CTNND2: variants seen among roughly 807,000 people sequenced by gnomAD.
CTNND2 encodes the protein catenin delta 2.
Under a neutral mutation model 144.4 loss-of-function variants are expected in CTNND2, and 22 were observed. That is an observed-to-expected ratio of 0.15 (90% CI 0.11 to 0.22). CTNND2 has a LOEUF of 0.22. Ranked by LOEUF, CTNND2 falls within the 10% of genes least tolerant of loss-of-function variation. CTNND2 has a pLI of 1.00. For synonymous variants in CTNND2, 751 were observed against 695.6 expected (o/e 1.08, Z -1.25); for missense variants, 1,353 against 1,618.8 (o/e 0.84, Z 2.82).
intron 3 of CTNND2, among the ~76,000 whole-genome samples, chr5:11,440,496 T>C (rs1016231232): frequency 1.3e-5 from 2 of 152,158 alleles, no homozygotes; most frequent in Non-Finnish European, 2.9e-5. Flanking sequence ...GCAAATAAAA[T>C]GTATCTCCAA....
At chr5:11,426,389 C>A (rs572386030) in intron 3 of CTNND2, among the ~76,000 whole-genome samples, 41 of 152,334 alleles carry the variant, frequency 2.7e-4, no homozygotes, top group Non-Finnish European at 5.6e-4. Context: ...GAGTCCCACA[C>A]TTAGAAGGCC....
intron 1 of CTNND2, among the ~76,000 whole-genome samples, chr5:11,836,670 G>GAA (rs547916361): frequency 6.8e-6 from 1 of 146,408 alleles, no homozygotes; most frequent in Non-Finnish European, 1.5e-5. Context: ...TTAGAACCAA[G>GAA]AAAAAAAAAA....
chr5:11,317,060 T>A (rs56322130), intron 9 of CTNND2, among the ~76,000 whole-genome samples: 27,968 of 151,938 alleles, frequency 0.18, 2,879 homozygotes, highest in East Asian at 0.39. Context: ...CAAAAAACAC[T>A]TGAAAAAATG....
At chr5:11,809,154 G>C (rs905979435) in intron 1 of CTNND2, among the ~76,000 whole-genome samples, 1 of 152,106 alleles carries the variant, frequency 6.6e-6, no homozygotes, top group African/African-American at 2.4e-5. Flanking sequence ...TTCATAATCA[G>C]GTTTTAACTA....
chr5:11,007,958 T>A (rs1048951632), intron 18 of CTNND2, among the ~76,000 whole-genome samples: 1 of 152,206 alleles, frequency 6.6e-6, no homozygotes, highest in East Asian at 1.9e-4. Context: ...TACATTCTTG[T>A]CTCTAAAAGA....
chr5:11,588,817 T>G (rs953418850), intron 2 of CTNND2: 129 of 985,198 alleles, frequency 1.3e-4, no homozygotes, highest in Non-Finnish European at 1.5e-4. Context: ...GTCCCAAAGA[T>G]GAAGGGTTAC....
At chr5:11,259,036 AG>A (rs1744577862) in intron 9 of CTNND2, among the ~76,000 whole-genome samples, 1 of 152,170 alleles carries the variant, frequency 6.6e-6, no homozygotes, top group Non-Finnish European at 1.5e-5. Context: ...GTTGCCCTGA[AG>A]GTATTTTGTA....
intron 2 of CTNND2, among the ~76,000 whole-genome samples, chr5:11,592,615 T>TAA (rs141627260): frequency 1.4e-5 from 2 of 143,452 alleles, no homozygotes; most frequent in East Asian, 2.0e-4. Context: ...TATTCTTAAG[T>TAA]AAAAAAAAAA....
chr5:11,131,382 A>T (rs1463531183), intron 12 of CTNND2, among the ~76,000 whole-genome samples: 1 of 152,210 alleles, frequency 6.6e-6, no homozygotes, highest in African/African-American at 2.4e-5. Context: ...ACAGAACTTG[A>T]CTAATAAGGG....
At chr5:11,559,319 A>T (rs1776498842) in intron 3 of CTNND2, among the ~76,000 whole-genome samples, 1 of 152,096 alleles carries the variant, frequency 6.6e-6, no homozygotes, top group Non-Finnish European at 1.5e-5. Flanking sequence ...GGCACCATTG[A>T]GACATCTAAA....
chr5:11,176,297 G>C (rs996855104), intron 11 of CTNND2, among the ~76,000 whole-genome samples: 1 of 151,418 alleles, frequency 6.6e-6, no homozygotes, highest in African/African-American at 2.4e-5. Context: ...TATTTTTGCT[G>C]TTTCCCACTG....
chr5:10,977,690 C>T (rs1011879527), intron 21 of CTNND2, among the ~76,000 whole-genome samples: 10 of 152,168 alleles, frequency 6.6e-5, no homozygotes, highest in East Asian at 1.9e-4. Flanking sequence ...TGAGCTCAAG[C>T]GATCTGCCTG....
chr5:11,055,981 G>T (rs1170558414), intron 16 of CTNND2, among the ~76,000 whole-genome samples: 3 of 152,162 alleles, frequency 2.0e-5, no homozygotes, highest in Non-Finnish European at 4.4e-5. Context: ...CATGGTCACG[G>T]CACACATGGT....
chr5:11,054,289 C>A (rs1374528957), intron 16 of CTNND2, among the ~76,000 whole-genome samples: 2 of 152,072 alleles, frequency 1.3e-5, no homozygotes, highest in African/African-American at 2.4e-5. Flanking sequence ...AACAACAGCC[C>A]TAGGAGGTCA....
chr5:11,895,328 G>C (rs1737306547), intron 1 of CTNND2, among the ~76,000 whole-genome samples: 1 of 152,180 alleles, frequency 6.6e-6, no homozygotes, highest in South Asian at 2.1e-4. Flanking sequence ...AACAGCTAAT[G>C]TGTGTTGTAA....
At chr5:11,641,632 G>T (rs752756463) in intron 2 of CTNND2, among the ~76,000 whole-genome samples, 21 of 146,276 alleles carry the variant, frequency 1.4e-4, no homozygotes, top group Admixed American at 6.7e-5. Flanking sequence ...ATACATATAC[G>T]TGTGTGTATA....
At chr5:11,413,970 T>C (rs1761734758) in intron 3 of CTNND2, among the ~76,000 whole-genome samples, 1 of 152,154 alleles carries the variant, frequency 6.6e-6, no homozygotes, top group Admixed American at 6.6e-5. Flanking sequence ...TGGTAACATA[T>C]TTGGGAAAAG....
intron 1 of CTNND2, among the ~76,000 whole-genome samples, chr5:11,766,446 T>C (rs1434729647): frequency 6.6e-6 from 1 of 152,166 alleles, no homozygotes; most frequent in African/African-American, 2.4e-5. Context: ...TCTCACAAGA[T>C]CTGATGGTTT....
chr5:11,218,641 C>G (rs912060461), intron 10 of CTNND2, among the ~76,000 whole-genome samples: 1 of 152,184 alleles, frequency 6.6e-6, no homozygotes, highest in African/African-American at 2.4e-5. Flanking sequence ...TCCTTTTTAG[C>G]TTGAACTACG....
Sources: allele counts gnomAD v4.1 joint callset (sites outside exome capture counted in the v4.1 genomes callset), GRCh38; gene constraint gnomAD v4.1.1; transcripts MANE v1.5; gene names NCBI Gene and HGNC (gene_info 2026-07-23, HGNC 2026-07-21).